The following TULP3 variants were observed in gnomAD, a reference collection of about 807,000 sequenced individuals.
TULP3 encodes the protein TUB like protein 3.
In TULP3, 38 loss-of-function variants were observed where a neutral mutation model predicts 50.7. That is an observed-to-expected ratio of 0.75 (90% CI 0.58 to 0.98). The LOEUF (loss-of-function observed/expected upper bound fraction) is 0.98. TULP3 is among the 50% of genes least tolerant of loss of function. The pLI is 0.00. For synonymous variants in TULP3, 183 were observed against 196.6 expected, an observed-to-expected ratio of 0.93 and a Z score of 0.58; for missense variants, 550 against 568.0, an observed-to-expected ratio of 0.97 and a Z score of 0.32.
At chr12:2,933,619 C>T (rs2098199486) in intron 7 of TULP3, 89 bp downstream of exon 7, 1 of 678,840 alleles carries the variant, frequency 1.5e-6, no homozygotes, top group Admixed American at 2.9e-5. Flanking sequence ...TTACAACTAG[C>T]ATGTATTGAT....
At chr12:2,897,001 A>G (rs761008092) in intron 1 of TULP3, among the ~76,000 whole-genome samples, 1 of 152,178 alleles carries the variant, frequency 6.6e-6, no homozygotes, top group Non-Finnish European at 1.5e-5. Context: ...TTCAATAACA[A>G]TACAATTTTG....
At chr12:2,908,489 A>G (rs568254686) in intron 1 of TULP3, among the ~76,000 whole-genome samples, 10 of 152,136 alleles carry the variant, frequency 6.6e-5, no homozygotes, top group South Asian at 2.1e-4. Context: ...CTGGAGTGCA[A>G]TCGTGTGATC....
chr12:2,903,142 A>G (rs1340598616), intron 1 of TULP3, among the ~76,000 whole-genome samples: 1 of 152,194 alleles, frequency 6.6e-6, no homozygotes, highest in Non-Finnish European at 1.5e-5. Context: ...AATTACAGGC[A>G]TAAGCCACTG....
intron 6 of TULP3, among the ~76,000 whole-genome samples, chr12:2,932,947 T>TTA (rs2098198998): frequency 6.6e-6 from 1 of 151,652 alleles, no homozygotes. Context: ...ATTTTTATTT[T>TTA]TTATTTTTTT....
At chr12:2,922,923 G>A (rs1245360139) in intron 4 of TULP3, among the ~76,000 whole-genome samples, 1 of 146,640 alleles carries the variant, frequency 6.8e-6, no homozygotes, top group Non-Finnish European at 1.5e-5. Context: ...ACGCGATCTC[G>A]GCTCACTGCA....
intron 1 of TULP3, among the ~76,000 whole-genome samples, chr12:2,905,588 G>A (rs922656818): frequency 2.6e-5 from 4 of 151,976 alleles, no homozygotes; most frequent in African/African-American, 9.7e-5. Context: ...TTGATATATA[G>A]GAGACTTGTA....
At chr12:2,899,362 A>AAAAC (rs2098177515) in intron 1 of TULP3, among the ~76,000 whole-genome samples, 2 of 151,808 alleles carry the variant, frequency 1.3e-5, no homozygotes, top group Admixed American at 6.6e-5. Flanking sequence ...AAAAAAAAAA[A>AAAAC]AACAGCGAAA....
chr12:2,939,999 C>T lies in TULP3; in HGVS notation c.*555C>T, dbSNP rs1184419666. ...ATCAGGGACTGACATCGCAGTTCCT[C>T]TCCTCTCTTCATTCCCTCACAGCAG... is the stretch of plus-strand genomic sequence containing the variant. On this transcript the variant is annotated 3_prime_UTR_variant, in exon 11 of 11. Coordinates refer to ENST00000448120, the MANE Select transcript of TULP3 (RefSeq NM_003324.5). This position sits in a 1 kb window ranked among gnomAD's most constrained non-coding sequence, Gnocchi z 4.0. 2 of 1,283,854 alleles carry T rather than the reference C, an allele frequency of 1.6e-6. No homozygotes were observed. Among genetic ancestry groups the T allele is most frequent in the East Asian group, 5.6e-5 (1 of 17,832 alleles). 79.5% of individuals were successfully genotyped at this position (1,283,854 alleles called of 1,614,324 possible).
In TULP3 at chr12:2,891,008, G is replaced by C; in HGVS notation, c.41+20G>C. 6.4e-7 allele frequency: 1 copy of C among 1,572,902 alleles called. No individual in the cohort carries two copies. The highest frequency in any genetic ancestry group is 8.6e-7 in the Non-Finnish European group (1 of 1,160,942). On this transcript the variant is annotated intron_variant, in intron 1 of 10. Transcript: ENST00000448120. The stretch of plus-strand genomic sequence containing the variant: ...CGACAGGTCAGACAGGGCCGTGGCA[G>C]GTCTCCTCCTGAGCGAGGCGGAGGG...
chr12:2,928,471 G>A (rs1248503116), intron 4 of TULP3, among the ~76,000 whole-genome samples: 5 of 151,840 alleles, frequency 3.3e-5, no homozygotes, highest in South Asian at 2.1e-4. Flanking sequence ...CGGAGGTTGC[G>A]GTGAGCCCAG....
At chr12:2,921,248 T>C (rs1384792031) in intron 3 of TULP3, among the ~76,000 whole-genome samples, 2 of 152,182 alleles carry the variant, frequency 1.3e-5, no homozygotes, top group African/African-American at 4.8e-5. Flanking sequence ...CAAGTGATTC[T>C]CCTGCCTCAA....
At position 2,939,094 on chromosome 12, in the gene TULP3, C is replaced by T. The variant is rs1186120418; in HGVS notation, c.1196-217C>T. On this transcript the variant is annotated intron_variant, in intron 10 of 10. Transcript: ENST00000448120. The surrounding 1 kb of genome is among the most constrained non-coding windows in gnomAD (Gnocchi z 4.0). ...GTAAAATATTAGCCAGGCGTGGTGG[C>T]GCTTGCCTGTAGTCCCAGCTACTCA... Among the ~76,000 whole-genome samples, 1 of 152,008 alleles carries T rather than the reference C, an allele frequency of 6.6e-6. No individual in the cohort carries two copies. Among genetic ancestry groups the T allele is most frequent in the Non-Finnish European group, 1.5e-5 (1 of 68,016 alleles).
At chr12:2,891,109 G>A in intron 1 of TULP3, 121 bp downstream of exon 1, 1 of 1,229,122 alleles carries the variant, frequency 8.1e-7, no homozygotes, top group Non-Finnish European at 1.1e-6. Flanking sequence ...GCGACTCAGG[G>A]AGGGACTGGT....
rs765458545 is a variant in TULP3 at position 2,920,819 on chromosome 12, G to T, written c.150G>T (p.Gln50His). 10 of 1,614,034 alleles carry T rather than the reference G, an allele frequency of 6.2e-6. No individual in the cohort carries two copies. The South Asian group carries it at 1.1e-4, about 18-fold the overall frequency. Residue 50 changes from glutamine (Q) to histidine (H), a missense_variant, in exon 3 of 11, where the codon CAG becomes CAT. By Grantham distance (24) the Gln-to-His change is conservative (BLOSUM62 0). Transcript: ENST00000448120. Reference sequence around the variant, plus strand: ...AGCGCCTTGAGCCATTTATGGTGCAGCCCAATCCAGAAGCCAGGCTACGTC... The same window carrying T: ...AGCGCCTTGAGCCATTTATGGTGCATCCCAATCCAGAAGCCAGGCTACGTC... ...RKKRLEPFMV[Q>H]PNPEARLRRA...
intron 3 of TULP3, among the ~76,000 whole-genome samples, chr12:2,922,027 G>C (rs1212643901): frequency 6.6e-6 from 1 of 152,140 alleles, no homozygotes; most frequent in African/African-American, 2.4e-5. Context: ...AGGCTACAGT[G>C]AGCTGTGATT....
intron 1 of TULP3, among the ~76,000 whole-genome samples, chr12:2,897,900 G>A (rs1241137806): frequency 6.6e-6 from 1 of 151,710 alleles, no homozygotes; most frequent in East Asian, 1.9e-4. Context: ...GCAGCATGGT[G>A]AAACCCTGTC....
At chr12:2,906,774 G>A (rs1006397558) in intron 1 of TULP3, among the ~76,000 whole-genome samples, 6 of 150,830 alleles carry the variant, frequency 4.0e-5, no homozygotes, top group African/African-American at 1.5e-4. Context: ...AAATTAGCCG[G>A]GCGTGGTGGC....
intron 2 of TULP3, 55 bp downstream of exon 2, chr12:2,909,635 T>C: frequency 6.5e-7 from 1 of 1,527,714 alleles, no homozygotes; most frequent in Non-Finnish European, 8.9e-7. Context: ...ACCGTGATGC[T>C]GATGGTCTTG....
intron 2 of TULP3, among the ~76,000 whole-genome samples, chr12:2,914,775 G>C (rs965258102): frequency 2.6e-5 from 4 of 151,728 alleles, no homozygotes; most frequent in African/African-American, 9.7e-5. Context: ...TGGGATTAGA[G>C]GAGTGCACCA....
Sources: allele counts gnomAD v4.1 joint callset (sites outside exome capture counted in the v4.1 genomes callset), GRCh38; gene constraint gnomAD v4.1.1; non-coding constraint Gnocchi (gnomAD v3.1); transcripts MANE v1.5; gene names NCBI Gene and HGNC (gene_info 2026-07-23, HGNC 2026-07-21).